The following COL24A1 variants were observed in gnomAD, a reference collection of about 807,000 sequenced individuals.
The protein encoded by COL24A1 is collagen alpha-1(XXIV) chain.
A neutral mutation model predicts 253.9 loss-of-function variants in COL24A1; 224 were observed. The ratio of observed to expected loss-of-function variants is 0.88; its 90% CI spans 0.79 to 0.99. The LOEUF (loss-of-function observed/expected upper bound fraction) is 0.99. COL24A1 is among the 50% of genes least tolerant of loss of function. The pLI, the probability that COL24A1 is intolerant of heterozygous loss-of-function variation, is 0.00. For missense variants in COL24A1, 2,131 were observed against 2,068.5 expected (o/e 1.03, Z -0.59); for synonymous variants, 685 against 673.7 (o/e 1.02, Z -0.26).
chr1:85,786,267 C>G, intron 48 of COL24A1, 87 bp downstream of exon 48: 3 of 1,155,178 alleles, frequency 2.6e-6, no homozygotes, highest in Middle Eastern at 2.1e-4. Context: ...AACTATTAAT[C>G]TTACCATTCT....
intron 57 of COL24A1, 62 bp from the exon 58 acceptor site, chr1:85,737,567 T>A: frequency 3.1e-6 from 1 of 324,660 alleles, no homozygotes; most frequent in South Asian, 7.3e-5. Context: ...TTATAATTTC[T>A]TTTTTTTTTT....
At chr1:85,812,815 A>G (rs1362626515) in intron 47 of COL24A1, among the ~76,000 whole-genome samples, 1 of 152,208 alleles carries the variant, frequency 6.6e-6, no homozygotes, top group African/African-American at 2.4e-5. Flanking sequence ...TGGGCCCACT[A>G]ACACAAATCC....
At chr1:85,914,929 A>G (rs1239457095) in intron 24 of COL24A1, among the ~76,000 whole-genome samples, 2 of 152,140 alleles carry the variant, frequency 1.3e-5, no homozygotes, top group East Asian at 1.9e-4. Flanking sequence ...AAGGTTAAGT[A>G]TGGTTTAAAG....
chr1:85,860,602 G>T (rs113063369), intron 37 of COL24A1, among the ~76,000 whole-genome samples: 1,684 of 152,198 alleles, frequency 0.011, 23 homozygotes, highest in African/African-American at 0.038. Context: ...TTAGCCAGGC[G>T]TGGTGGTGGG....
intron 47 of COL24A1, among the ~76,000 whole-genome samples, chr1:85,806,752 G>T (rs1672014114): frequency 6.6e-6 from 1 of 152,174 alleles, no homozygotes; most frequent in South Asian, 2.1e-4. Flanking sequence ...TAAACAAGTT[G>T]GCTGGATTTT....
In COL24A1 at chr1:86,125,341, A is replaced by G. The variant is rs1228961174; in HGVS notation, c.995T>C (p.Ile332Thr). 1 of 1,613,714 alleles carries G rather than the reference A, an allele frequency of 6.2e-7. No homozygotes were observed. The highest frequency in any genetic ancestry group is 8.5e-7 in the Non-Finnish European group (1 of 1,179,824). ...CTCAGTGATCATTTCTTTGGCCTGA[A>G]TCCCATGGTTTGTGAGATCCACAGC... ...VSAVDLTNHG[I>T]QAKEMITEED... The change falls in exon 3 of 60, where the codon ATT becomes ACT. Residue 332 changes from isoleucine (I) to threonine (T), a missense_variant. Physicochemically the swap from Ile to Thr is moderately conservative, Grantham distance 89. Transcript: ENST00000370571.
intron 24 of COL24A1, among the ~76,000 whole-genome samples, chr1:85,947,692 C>T (rs1689464249): frequency 1.3e-5 from 2 of 152,164 alleles, no homozygotes; most frequent in Non-Finnish European, 2.9e-5. Context: ...GCATGTATCA[C>T]ATTACGAAGA....
intron 24 of COL24A1, among the ~76,000 whole-genome samples, chr1:85,920,769 A>G (rs990234970): frequency 3.3e-5 from 5 of 152,194 alleles, no homozygotes; most frequent in African/African-American, 1.2e-4. Context: ...AAGTAAGCCA[A>G]CAGACAGTTG....
At chr1:85,990,075 T>C (rs1344088874) in intron 19 of COL24A1, among the ~76,000 whole-genome samples, 2 of 152,232 alleles carry the variant, frequency 1.3e-5, no homozygotes, top group African/African-American at 4.8e-5. Context: ...GCTTAAAAAA[T>C]GCTTTGTCGT....
chr1:85,838,366 G>C (rs1481995927), intron 43 of COL24A1, among the ~76,000 whole-genome samples: 1 of 152,078 alleles, frequency 6.6e-6, no homozygotes, highest in Non-Finnish European at 1.5e-5. Context: ...CCTCTCAGGA[G>C]GTAACATTTC....
chr1:85,826,784 A>T (rs1425093372), intron 43 of COL24A1, among the ~76,000 whole-genome samples: 1 of 151,972 alleles, frequency 6.6e-6, no homozygotes, highest in Admixed American at 6.6e-5. Flanking sequence ...TTGTATCCTG[A>T]GACTTTGCTG....
intron 1 of COL24A1, among the ~76,000 whole-genome samples, 160 bp from the exon 2 acceptor site, chr1:86,146,343 A>C (rs1052359520): frequency 2.0e-5 from 3 of 152,008 alleles, no homozygotes; most frequent in African/African-American, 7.2e-5. Flanking sequence ...CTCTGAAGTG[A>C]AATTCCAGTT....
At chr1:85,970,119 TC>T (rs1357334429) in intron 22 of COL24A1, 107 bp downstream of exon 22, 1 of 1,014,184 alleles carries the variant, frequency 9.9e-7, no homozygotes, top group Non-Finnish European at 1.4e-6. Context: ...TAATTTGTTT[TC>T]ATTTTTGTCC....
chr1:86,156,665 A>C lies in COL24A1; in HGVS notation c.-269T>G. 1 of 324,800 alleles carries C rather than the reference A, an allele frequency of 3.1e-6. No homozygotes were observed. Among genetic ancestry groups the C allele is most frequent in the Non-Finnish European group, 5.6e-6 (1 of 178,972 alleles). The allele number at this position is 324,800 out of a possible 1,614,324, so 20.1% of individuals were successfully genotyped here. A position where few individuals can be genotyped will look rare whatever the true frequency, so the allele number is the denominator to read the frequency against. The stretch of plus-strand genomic sequence containing the variant: ...CGCTCCCCGGGGAGGGCGGGCGAGG[A>C]GGTAAACCTCACTGGGAGGCCTCGG... On this transcript the variant is annotated 5_prime_UTR_variant, in exon 1 of 60. Transcript: ENST00000370571.
At chr1:85,937,806 A>G (rs543827085) in intron 24 of COL24A1, among the ~76,000 whole-genome samples, 1 of 147,858 alleles carries the variant, frequency 6.8e-6, no homozygotes, top group African/African-American at 2.5e-5. Context: ...GGAAAGGCCA[A>G]AGATTTATTC....
chr1:86,067,891 C>CAAA (rs1407998543), intron 7 of COL24A1, among the ~76,000 whole-genome samples: 1 of 152,060 alleles, frequency 6.6e-6, no homozygotes, highest in Non-Finnish European at 1.5e-5. Context: ...GGAAGAATAA[C>CAAA]AAAAAAGTTT....
intron 32 of COL24A1, among the ~76,000 whole-genome samples, chr1:85,879,207 G>A (rs1681539065): frequency 6.7e-6 from 1 of 149,240 alleles, no homozygotes. Flanking sequence ...GAGTTTTATG[G>A]CTTTGTTTTT....
At chr1:86,098,262 G>A (rs1335012414) in intron 5 of COL24A1, among the ~76,000 whole-genome samples, 1 of 150,220 alleles carries the variant, frequency 6.7e-6, no homozygotes, top group Non-Finnish European at 1.5e-5. Flanking sequence ...AATTGGGGAA[G>A]AAAATTAAAA....
intron 47 of COL24A1, among the ~76,000 whole-genome samples, chr1:85,793,634 T>C (rs2101693679): frequency 6.6e-6 from 1 of 152,298 alleles, no homozygotes; most frequent in South Asian, 2.1e-4. Flanking sequence ...TGTTTTATAT[T>C]TGTTTTAATT....
Sources: allele counts gnomAD v4.1 joint callset (sites outside exome capture counted in the v4.1 genomes callset), GRCh38; gene constraint gnomAD v4.1.1; transcripts MANE v1.5; gene names NCBI Gene and HGNC (gene_info 2026-07-23, HGNC 2026-07-21).